PEPD: variants seen among roughly 807,000 people sequenced by gnomAD.
The protein encoded by PEPD is xaa-Pro dipeptidase.
PEPD carries 53 observed loss-of-function variants against 60.7 expected under a neutral mutation model. The observed-to-expected ratio is 0.87, with a 90% confidence interval of 0.70 to 1.10. The LOEUF (loss-of-function observed/expected upper bound fraction) is 1.10. Among genes scored for constraint, PEPD ranks in the 50% least tolerant of loss-of-function variants. The pLI is 0.00. For synonymous variants in PEPD, 267 were observed against 284.1 expected, an observed-to-expected ratio of 0.94 and a Z score of 0.60; for missense variants, 711 against 711.9, an observed-to-expected ratio of 1.00 and a Z score of 0.01.
intron 3 of PEPD, among the ~76,000 whole-genome samples, chr19:33,503,202 G>C (rs1359871770): frequency 6.6e-6 from 1 of 152,154 alleles, no homozygotes; most frequent in Admixed American, 6.5e-5. Context: ...CTGGCCACAG[G>C]GCCCAGGGAC....
At chr19:33,512,506 A>G (rs1970946231) in intron 2 of PEPD, 87 bp downstream of exon 2, 2 of 1,310,016 alleles carry the variant, frequency 1.5e-6, no homozygotes, top group African/African-American at 1.4e-5. Context: ...AAGGGGCAGC[A>G]CTGGCCAAGC....
At chr19:33,437,258 C>T (rs569693830) in intron 9 of PEPD, among the ~76,000 whole-genome samples, 43 of 152,184 alleles carry the variant, frequency 2.8e-4, no homozygotes, top group Non-Finnish European at 5.9e-5. Context: ...GTCTTCTAAA[C>T]GATAGTTTAA....
chr19:33,424,570 GTGGTGGTGCATGTGTGA>G (rs1568464736), intron 9 of PEPD, among the ~76,000 whole-genome samples: 1 of 152,222 alleles, frequency 6.6e-6, no homozygotes, highest in East Asian at 1.9e-4. Context: ...GAAGGCCAGT[GTGGTGGTGCATGTGTGA>G]TGGTGTACTC....
In PEPD at chr19:33,437,373, G is replaced by A. The variant is rs565623556; in HGVS notation, c.672-23730C>T. On this transcript the variant is annotated intron_variant, in intron 9 of 14. Coordinates refer to ENST00000244137, the MANE Select transcript of PEPD (RefSeq NM_000285.4). Reference sequence around the variant, plus strand: ...CCCAAGTATTTGGCAGGAACCAGTTGCATCAATAAAGAAATGCCAATTTTC... The same window carrying A: ...CCCAAGTATTTGGCAGGAACCAGTTACATCAATAAAGAAATGCCAATTTTC... 5.0e-4 allele frequency among the ~76,000 whole-genome samples: 76 copies of A among 152,012 alleles called. 1 individual carries two copies. The highest frequency in any genetic ancestry group is 2.0e-3 in the Admixed American group (30 of 15,242).
chr19:33,474,201 T>C (rs560757325), intron 7 of PEPD, among the ~76,000 whole-genome samples: 1 of 152,326 alleles, frequency 6.6e-6, no homozygotes, highest in East Asian at 1.9e-4. Flanking sequence ...GCTGGGAGGA[T>C]GACTGACACT....
At chr19:33,411,649 C>G (rs1354828553) in intron 11 of PEPD, 23 bp downstream of exon 11, 1 of 1,417,428 alleles carries the variant, frequency 7.1e-7, no homozygotes, top group Non-Finnish European at 1.0e-6. Flanking sequence ...ACACACAGAG[C>G]CAGGGCCGCT....
At chr19:33,455,157 T>C (rs1411945757) in intron 9 of PEPD, among the ~76,000 whole-genome samples, 2 of 152,196 alleles carry the variant, frequency 1.3e-5, no homozygotes, top group Non-Finnish European at 2.9e-5. Context: ...AAGCATGGAC[T>C]TAAGATAATA....
chr19:33,443,477 CTTA>C (rs1384867713), intron 9 of PEPD, among the ~76,000 whole-genome samples: 1 of 152,092 alleles, frequency 6.6e-6, no homozygotes. Context: ...AGATTATATG[CTTA>C]TTTATGATTC....
At chr19:33,506,062 C>A (rs1456249179) in intron 3 of PEPD, among the ~76,000 whole-genome samples, 4 of 139,554 alleles carry the variant, frequency 2.9e-5, no homozygotes, top group South Asian at 2.5e-4. Context: ...ACCCACCACA[C>A]CCCCATCGCA....
chr19:33,441,298 A>G (rs1367883010), intron 9 of PEPD, among the ~76,000 whole-genome samples: 1 of 152,166 alleles, frequency 6.6e-6, no homozygotes, highest in Non-Finnish European at 1.5e-5. Flanking sequence ...ACCACCTGGG[A>G]ACGGTTGCCA....
intron 3 of PEPD, among the ~76,000 whole-genome samples, chr19:33,507,832 T>C (rs1034549542): frequency 5.9e-5 from 9 of 152,114 alleles, no homozygotes; most frequent in Admixed American, 4.6e-4. Context: ...TCCTGAGGGC[T>C]CAGGATGTGG....
chr19:33,422,843 T>TATCTATCTATCC (rs1238297725), intron 9 of PEPD, among the ~76,000 whole-genome samples: 1 of 139,636 alleles, frequency 7.2e-6, no homozygotes, highest in African/African-American at 2.6e-5. Flanking sequence ...TCTATCCATC[T>TATCTATCTATCC]ATCCATCCAT....
rs369515303 is a variant in PEPD at position 33,502,413 on chromosome 19, C to T, written c.330-1412G>A. ...GAGGCAGGAGAATAGGGTCGGGAGGCGTTAGGGCTTTTTCATGCTGACTTC... is the reference window on the plus strand; with the variant it reads ...GAGGCAGGAGAATAGGGTCGGGAGGTGTTAGGGCTTTTTCATGCTGACTTC... On this transcript the variant is annotated intron_variant, in intron 3 of 14. Transcript: ENST00000244137. Among the ~76,000 whole-genome samples the T allele has an allele frequency of 9.9e-5, 15 of 152,162 alleles. No individual in the cohort carries two copies. In the East Asian group the frequency reaches 1.9e-3, roughly 20 times the overall value.
At chr19:33,491,113 A>G (rs1160263943) in intron 5 of PEPD, among the ~76,000 whole-genome samples, 1 of 152,208 alleles carries the variant, frequency 6.6e-6, no homozygotes, top group Non-Finnish European at 1.5e-5. Flanking sequence ...AAGCAAAAAA[A>G]AGGGGCCAAG....
chr19:33,432,826 G>A (rs1458621751), intron 9 of PEPD, among the ~76,000 whole-genome samples: 1 of 152,236 alleles, frequency 6.6e-6, no homozygotes, highest in African/African-American at 2.4e-5. Context: ...GGCAAAGTTG[G>A]AAGCTTTGGC....
chr19:33,460,470 T>C (rs547812018), intron 9 of PEPD, among the ~76,000 whole-genome samples: 1 of 152,224 alleles, frequency 6.6e-6, no homozygotes, highest in Admixed American at 6.5e-5. Context: ...CTCCATGATG[T>C]GACACTTTCC....
At chr19:33,452,633 A>G (rs1486415710) in intron 9 of PEPD, among the ~76,000 whole-genome samples, 1 of 152,188 alleles carries the variant, frequency 6.6e-6, no homozygotes, top group African/African-American at 2.4e-5. Flanking sequence ...TATTTTAAAA[A>G]CATAAGATTT....
intron 11 of PEPD, among the ~76,000 whole-genome samples, chr19:33,404,501 C>T (rs926833916): frequency 5.9e-5 from 9 of 152,072 alleles, no homozygotes; most frequent in African/African-American, 9.7e-5. Flanking sequence ...AAGAATACCC[C>T]GAACAATGAA....
intron 6 of PEPD, among the ~76,000 whole-genome samples, chr19:33,480,926 TCC>T (rs1479966600): frequency 6.6e-6 from 1 of 152,074 alleles, no homozygotes; most frequent in Non-Finnish European, 1.5e-5. Flanking sequence ...TGGATCATTC[TCC>T]AGGATACACT....
Sources: gnomAD v4.1 joint callset for allele counts (sites outside exome capture counted in the v4.1 genomes callset) on GRCh38, gnomAD v4.1.1 for gene constraint, MANE v1.5 for transcripts, NCBI Gene and HGNC (gene_info 2026-07-23, HGNC 2026-07-21) for gene names.